Variants in OPCML observed in about 807,000 individuals in gnomAD.
OPCML encodes the protein opioid-binding protein/cell adhesion molecule.
A neutral mutation model predicts 37.8 loss-of-function variants in OPCML; 13 were observed. The ratio of observed to expected loss-of-function variants is 0.34; its 90% confidence interval spans 0.22 to 0.55. The LOEUF (loss-of-function observed/expected upper bound fraction) is 0.55. Among genes scored for constraint, OPCML ranks in the 20% least tolerant of loss-of-function variants. The probability of loss-of-function intolerance (pLI) is 0.91; values close to 1 mark genes in which losing one functional copy is unlikely to be tolerated. For synonymous variants in OPCML, 176 were observed against 168.8 expected, an observed-to-expected ratio of 1.04 and a Z score of -0.33; for missense variants, 341 against 435.6, an observed-to-expected ratio of 0.78 and a Z score of 1.93.
At chr11:132,695,336 T>G (rs1301600405) in intron 2 of OPCML, among the ~76,000 whole-genome samples, 1 of 152,100 alleles carries the variant, frequency 6.6e-6, no homozygotes, top group Admixed American at 6.5e-5. Flanking sequence ...GGAAAGGCAG[T>G]GATGGTATGG....
At chr11:132,764,654 C>T (rs984572905) in intron 2 of OPCML, among the ~76,000 whole-genome samples, 3 of 152,178 alleles carry the variant, frequency 2.0e-5, no homozygotes, top group Non-Finnish European at 2.9e-5. Context: ...AGTATTTTCT[C>T]ACTCCTCCCT....
Position 132,987,500 on chromosome 11 carries a change from T to A in OPCML, c.62-44490A>T, listed in dbSNP as rs188255415. The stretch of plus-strand genomic sequence containing the variant: ...AGCTAGTGGTTTGTGAAAGGCCCCA[T>A]TGCGAGAGAGTTTGTGTTAATTCTG... On this transcript the variant is annotated intron_variant, in intron 1 of 7. Coordinates refer to ENST00000524381, the MANE Select transcript of OPCML (RefSeq NM_001012393.5). Among the ~76,000 whole-genome samples, 94 of 152,230 alleles carry A rather than the reference T, an allele frequency of 6.2e-4. 1 individual carries two copies. In the East Asian group the frequency reaches 0.016, roughly 26 times the overall value.
chr11:132,969,285 G>T (rs994495514), intron 1 of OPCML, among the ~76,000 whole-genome samples: 2 of 152,116 alleles, frequency 1.3e-5, no homozygotes, highest in Non-Finnish European at 2.9e-5. Flanking sequence ...CTAACGAAAT[G>T]TCCTCTGTTA....
At chr11:132,582,161 A>T (rs1450132433) in intron 3 of OPCML, among the ~76,000 whole-genome samples, 1 of 151,404 alleles carries the variant, frequency 6.6e-6, no homozygotes, top group Non-Finnish European at 1.5e-5. Flanking sequence ...AAACAGAGAG[A>T]GAGAGTGCCT....
At chr11:132,553,359 C>T (rs1179267746) in intron 3 of OPCML, among the ~76,000 whole-genome samples, 1 of 152,272 alleles carries the variant, frequency 6.6e-6, no homozygotes, top group East Asian at 1.9e-4. Flanking sequence ...TTGCCTTTCC[C>T]TGGAGACAGC....
chr11:132,722,629 T>C (rs1944714183), intron 2 of OPCML, among the ~76,000 whole-genome samples: 1 of 152,048 alleles, frequency 6.6e-6, no homozygotes, highest in Non-Finnish European at 1.5e-5. Flanking sequence ...AACATCATCG[T>C]TAGTTGATAT....
intron 1 of OPCML, among the ~76,000 whole-genome samples, chr11:133,233,359 C>G (rs1368422256): frequency 6.6e-6 from 1 of 152,134 alleles, no homozygotes; most frequent in Non-Finnish European, 1.5e-5. Context: ...GGATTCTCTG[C>G]CATCCCCCTT....
chr11:133,002,280 A>G (rs940002535), intron 1 of OPCML, among the ~76,000 whole-genome samples: 2 of 152,176 alleles, frequency 1.3e-5, no homozygotes, highest in Middle Eastern at 3.2e-3. Flanking sequence ...GGGTAAGGTC[A>G]CCACTCAGCT....
chr11:132,852,532 T>C (rs997652444), intron 2 of OPCML, among the ~76,000 whole-genome samples: 1 of 151,930 alleles, frequency 6.6e-6, no homozygotes, highest in African/African-American at 2.4e-5. Flanking sequence ...TTCTGGCAAC[T>C]GAGCATGAGT....
intron 1 of OPCML, among the ~76,000 whole-genome samples, chr11:132,968,974 TCA>T (rs996816618): frequency 9.2e-5 from 14 of 152,178 alleles, no homozygotes; most frequent in Admixed American, 8.5e-4. Flanking sequence ...GTTTTCACCT[TCA>T]TTTTTTTAAA....
chr11:133,356,236 T>C (rs905710865), intron 1 of OPCML, among the ~76,000 whole-genome samples: 1 of 152,216 alleles, frequency 6.6e-6, no homozygotes, highest in Non-Finnish European at 1.5e-5. Flanking sequence ...CAGAGGGCTT[T>C]AAAGTGCCCA....
chr11:132,676,212 A>G (rs1477046095), intron 2 of OPCML, among the ~76,000 whole-genome samples: 2 of 152,168 alleles, frequency 1.3e-5, no homozygotes, highest in Non-Finnish European at 2.9e-5. Flanking sequence ...TTTTAAAGAA[A>G]TGGTGCTGGG....
chr11:132,793,896 T>A (rs892089738), intron 2 of OPCML, among the ~76,000 whole-genome samples: 2 of 152,154 alleles, frequency 1.3e-5, no homozygotes, highest in African/African-American at 4.8e-5. Context: ...AGCGTCCAGG[T>A]GGCATGGGTC....
At chr11:133,140,525 T>TAAGAAGAAGAAGAAGAAGAAGAAGAAG (rs1306668854) in intron 1 of OPCML, among the ~76,000 whole-genome samples, 19 of 57,048 alleles carry the variant, frequency 3.3e-4, no homozygotes, top group East Asian at 1.0e-3. Flanking sequence ...ATAATAATAA[T>TAAGAAGAAGAAGAAGAAGAAGAAGAAG]AATAATAAGA....
chr11:132,567,700 T>C (rs1254670479), intron 3 of OPCML, among the ~76,000 whole-genome samples: 2 of 152,198 alleles, frequency 1.3e-5, no homozygotes, highest in Non-Finnish European at 2.9e-5. Context: ...AATTGGGTAA[T>C]GTTTTACTTT....
rs143166886 is a variant in OPCML at position 132,430,756 on chromosome 11, C to G, written c.916+5330G>C. Among the ~76,000 whole-genome samples, 30 of 152,296 alleles carry G rather than the reference C, an allele frequency of 2.0e-4. No homozygotes were observed. In the East Asian group the frequency reaches 4.4e-3, roughly 23 times the overall value. On this transcript the variant is annotated intron_variant, in intron 7 of 7. Transcript: ENST00000524381. ...TTGTTTTTCTCTCTGCAGTCTCCCC[C>G]CTCCGTCTTGGCTTTGTTTGCGTTC...
chr11:133,337,439 G>A (rs558900755), intron 1 of OPCML, among the ~76,000 whole-genome samples: 1 of 152,162 alleles, frequency 6.6e-6, no homozygotes, highest in Non-Finnish European at 1.5e-5. Flanking sequence ...TGGAAGTCTC[G>A]CAGGATCCGC....
At position 132,975,377 on chromosome 11, in the gene OPCML, G is replaced by A. The variant is rs1056114335; in HGVS notation, c.62-32367C>T. Among the ~76,000 whole-genome samples the A allele has an allele frequency of 2.0e-5, 3 of 150,328 alleles. No individual in the cohort carries two copies. The South Asian group carries it at 6.6e-4, about 33-fold the overall frequency. ...CATGCAAAGTTTTGGAGGAAAAAATGCCAGGCAGAGAAAATAGCAAGTAGA... is the reference window on the plus strand; with the variant it reads ...CATGCAAAGTTTTGGAGGAAAAAATACCAGGCAGAGAAAATAGCAAGTAGA... On this transcript the variant is annotated intron_variant, in intron 1 of 7. Transcript: ENST00000524381.
chr11:133,180,058 G>C (rs906729041), intron 1 of OPCML, among the ~76,000 whole-genome samples: 6 of 152,178 alleles, frequency 3.9e-5, no homozygotes, highest in Admixed American at 2.0e-4. Context: ...AAGAAAGACA[G>C]CAAGAATCAA....
Sources: allele counts gnomAD v4.1 joint callset (sites outside exome capture counted in the v4.1 genomes callset), GRCh38; gene constraint gnomAD v4.1.1; transcripts MANE v1.5; gene names NCBI Gene and HGNC (gene_info 2026-07-23, HGNC 2026-07-21).